Variants in RFX3 observed in about 807,000 individuals in gnomAD.
RFX3 encodes the protein regulatory factor X3.
Under a neutral mutation model 98.6 loss-of-function variants are expected in RFX3, and 14 were observed. The ratio of observed to expected loss-of-function variants is 0.14; its 90% CI spans 0.09 to 0.22. RFX3 has a LOEUF of 0.22. Ranked by LOEUF, RFX3 falls within the 10% of genes least tolerant of loss-of-function variation. The pLI, the probability that RFX3 is intolerant of heterozygous loss-of-function variation, is 1.00. For missense variants in RFX3, 639 were observed against 926.9 expected (o/e 0.69, Z 4.03); for synonymous variants, 383 against 328.4 (o/e 1.17, Z -1.80).
chr9:3,508,224 C>T (rs547949666), intron 1 of RFX3, among the ~76,000 whole-genome samples: 1 of 151,974 alleles, frequency 6.6e-6, no homozygotes, highest in African/African-American at 2.4e-5. Context: ...TCTGCACATC[C>T]AACAAATACA....
In RFX3 at chr9:3,240,478, T is replaced by C. The variant is rs558109231; in HGVS notation, c.1968+7554A>G. 2.1e-4 allele frequency among the ~76,000 whole-genome samples: 32 copies of C among 152,314 alleles called. No homozygotes were observed. In the South Asian group the frequency reaches 6.6e-3, roughly 32 times the overall value. On this transcript the variant is annotated intron_variant, in intron 15 of 16. Coordinates refer to ENST00000617270, the MANE Select transcript of RFX3 (RefSeq NM_001282116.2). Reference sequence around the variant, plus strand: ...TAATTTTGATTATACCACTTCTCTTTTCTGGAAATCATTAACTGGAGAGAC... The same window carrying C: ...TAATTTTGATTATACCACTTCTCTTCTCTGGAAATCATTAACTGGAGAGAC...
At chr9:3,345,950 A>T (rs1056845410) in intron 3 of RFX3, among the ~76,000 whole-genome samples, 1 of 152,188 alleles carries the variant, frequency 6.6e-6, no homozygotes, top group African/African-American at 2.4e-5. Context: ...TGGGCAGAAG[A>T]GTCAGTGAGA....
chr9:3,448,981 C>G (rs1638472791), intron 1 of RFX3, among the ~76,000 whole-genome samples: 1 of 152,158 alleles, frequency 6.6e-6, no homozygotes, highest in African/African-American at 2.4e-5. Flanking sequence ...TTGGTTTTGT[C>G]TATTATCTTT....
At chr9:3,269,762 A>G (rs1427978854) in intron 11 of RFX3, among the ~76,000 whole-genome samples, 1 of 152,168 alleles carries the variant, frequency 6.6e-6, no homozygotes, top group African/African-American at 2.4e-5. Flanking sequence ...CCAGTTAACC[A>G]TTACTGCTAA....
At chr9:3,302,990 T>C (rs963231558) in intron 4 of RFX3, among the ~76,000 whole-genome samples, 11 of 151,818 alleles carry the variant, frequency 7.2e-5, no homozygotes, top group African/African-American at 2.7e-4. Flanking sequence ...ATTCTTAAAA[T>C]AGATATTAAA....
At chr9:3,357,477 T>A (rs1835912215) in intron 2 of RFX3, among the ~76,000 whole-genome samples, 1 of 152,010 alleles carries the variant, frequency 6.6e-6, no homozygotes, top group African/African-American at 2.4e-5. Flanking sequence ...ATATTTTGAA[T>A]TTAAAGATAA....
rs369752810 is a variant in RFX3 at position 3,438,167 on chromosome 9, G to A, written c.-8-42571C>T. On this transcript the variant is annotated intron_variant, in intron 1 of 16. Transcript: ENST00000617270. The stretch of plus-strand genomic sequence containing the variant: ...AATGGGAATAACACAGAAGCCGACA[G>A]TTGATCCTAAAAAAGGTCATTCAAA... 6.2e-4 allele frequency among the ~76,000 whole-genome samples: 95 copies of A among 152,176 alleles called. 3 individuals carry two copies. The South Asian group carries it at 0.019, about 31-fold the overall frequency.
intron 10 of RFX3, 124 bp from the exon 11 acceptor site, chr9:3,270,649 G>A: frequency 1.1e-6 from 1 of 926,664 alleles, no homozygotes; most frequent in South Asian, 1.7e-5. Context: ...CATTGCACTG[G>A]TGCCATACAG....
intron 1 of RFX3, among the ~76,000 whole-genome samples, chr9:3,504,553 G>T (rs1816538785): frequency 7.5e-6 from 1 of 132,804 alleles, no homozygotes; most frequent in Non-Finnish European, 1.5e-5. Flanking sequence ...GGTATATATT[G>T]CATATAAAAT....
chr9:3,352,949 A>G (rs1835322690), intron 2 of RFX3, among the ~76,000 whole-genome samples: 1 of 152,026 alleles, frequency 6.6e-6, no homozygotes, highest in Non-Finnish European at 1.5e-5. Flanking sequence ...AACCAACCCA[A>G]ATGTCCAACA....
chr9:3,464,310 C>CAAA (rs1376495443), intron 1 of RFX3, among the ~76,000 whole-genome samples: 1 of 152,108 alleles, frequency 6.6e-6, no homozygotes, highest in East Asian at 1.9e-4. Context: ...AACATATGTC[C>CAAA]ATAAAAACAC....
chr9:3,428,772 G>T (rs1040438808), intron 1 of RFX3, among the ~76,000 whole-genome samples: 7 of 152,030 alleles, frequency 4.6e-5, no homozygotes, highest in African/African-American at 7.2e-5. Flanking sequence ...GTAAATAAAA[G>T]AAAGTTTTTT....
chr9:3,245,888 A>T (rs1820593754), intron 15 of RFX3, among the ~76,000 whole-genome samples: 2 of 152,322 alleles, frequency 1.3e-5, no homozygotes, highest in Admixed American at 1.3e-4. Flanking sequence ...TGATTGGAAA[A>T]GGAAGTCACC....
At chr9:3,429,970 C>G (rs1047594567) in intron 1 of RFX3, among the ~76,000 whole-genome samples, 1 of 152,174 alleles carries the variant, frequency 6.6e-6, no homozygotes, top group African/African-American at 2.4e-5. Flanking sequence ...CTTAAAGTCT[C>G]AAACCTTAGT....
At chr9:3,341,841 G>C (rs543098966) in intron 3 of RFX3, among the ~76,000 whole-genome samples, 76 of 152,254 alleles carry the variant, frequency 5.0e-4, no homozygotes, top group Non-Finnish European at 8.1e-4. Context: ...GTGTACATAC[G>C]TAGAAGCATA....
intron 1 of RFX3, among the ~76,000 whole-genome samples, chr9:3,512,129 G>A (rs1817716732): frequency 6.6e-6 from 1 of 151,678 alleles, no homozygotes; most frequent in African/African-American, 2.4e-5. Context: ...TGTGCTGAGA[G>A]AAAAAACAAG....
chr9:3,390,140 T>C (rs182924656), intron 2 of RFX3, among the ~76,000 whole-genome samples: 2 of 152,316 alleles, frequency 1.3e-5, no homozygotes, highest in East Asian at 3.9e-4. Context: ...TTTGCCTGTG[T>C]CCTCACCCAA....
chr9:3,395,362 T>TAG, intron 2 of RFX3, 110 bp downstream of exon 2: 1 of 1,220,632 alleles, frequency 8.2e-7, no homozygotes, highest in Non-Finnish European at 1.2e-6. Context: ...AACTGAAGTA[T>TAG]GCCTATCATA....
intron 3 of RFX3, among the ~76,000 whole-genome samples, chr9:3,332,094 T>C (rs1832666329): frequency 6.6e-6 from 1 of 152,224 alleles, no homozygotes; most frequent in Non-Finnish European, 1.5e-5. Flanking sequence ...GTCAATGTTA[T>C]CTTCTAAATA....
Sources: allele counts gnomAD v4.1 joint callset (sites outside exome capture counted in the v4.1 genomes callset), GRCh38; gene constraint gnomAD v4.1.1; transcripts MANE v1.5; gene names NCBI Gene and HGNC (gene_info 2026-07-23, HGNC 2026-07-21).